The following ILDR1 variants were observed in gnomAD, a reference collection of about 807,000 sequenced individuals.
ILDR1 encodes the protein immunoglobulin like domain containing receptor 1.
Under a neutral mutation model 62.4 loss-of-function variants are expected in ILDR1, and 56 were observed. That is an observed-to-expected ratio of 0.90 (90% CI 0.72 to 1.12). The LOEUF (loss-of-function observed/expected upper bound fraction) is 1.12. Among genes scored for constraint, ILDR1 ranks in the 50% most tolerant of loss-of-function variants. ILDR1 has a pLI of 0.00. For synonymous variants in ILDR1, 284 were observed against 277.8 expected (o/e 1.02, Z -0.22); for missense variants, 736 against 710.6 (o/e 1.04, Z -0.41).
intron 1 of ILDR1, among the ~76,000 whole-genome samples, chr3:122,008,926 CTTTCTTTCTTTT>C (rs2071660595): frequency 6.6e-6 from 1 of 150,520 alleles, no homozygotes; most frequent in South Asian, 2.1e-4. Flanking sequence ...TTTTTTCTTT[CTTTCTTTCTTTT>C]TTTCTTTTTT....
chr3:121,991,016 A>G (rs995246931), intron 7 of ILDR1, among the ~76,000 whole-genome samples: 6 of 152,204 alleles, frequency 3.9e-5, no homozygotes, highest in African/African-American at 1.4e-4. Context: ...CCCGGCCAAC[A>G]TGGTGAAACC....
the ILDR1 span, among the ~76,000 whole-genome samples, chr3:122,046,684 G>C: frequency 6.8e-6 from 1 of 148,106 alleles, no homozygotes; most frequent in African/African-American, 2.5e-5. Context: ...TTCCATTGCT[G>C]ATACCCTTTC....
intron 5 of ILDR1, among the ~76,000 whole-genome samples, chr3:121,999,238 G>T (rs1040538652): frequency 6.6e-6 from 1 of 151,992 alleles, no homozygotes; most frequent in African/African-American, 2.4e-5. Context: ...AACTGATAAA[G>T]GTGGTTATCT....
chr3:122,039,743 A>AAAC, the ILDR1 span, among the ~76,000 whole-genome samples: 1 of 152,084 alleles, frequency 6.6e-6, no homozygotes, highest in Non-Finnish European at 1.5e-5. Flanking sequence ...TGAGGGTAAG[A>AAAC]TAAAATTTAT....
chr3:122,039,591 G>T, the ILDR1 span, among the ~76,000 whole-genome samples: 22 of 152,094 alleles, frequency 1.4e-4, no homozygotes, highest in African/African-American at 4.8e-4. Context: ...ACAAATACTG[G>T]TAAAATTCAT....
chr3:121,994,515 C>A (rs188307007), intron 5 of ILDR1, among the ~76,000 whole-genome samples: 216 of 152,354 alleles, frequency 1.4e-3, no homozygotes, highest in African/African-American at 5.1e-3. Flanking sequence ...ATCTTCAAGA[C>A]TGCAACTTTT....
At chr3:122,021,469 G>A (rs532998369) in intron 1 of ILDR1, among the ~76,000 whole-genome samples, 2 of 152,306 alleles carry the variant, frequency 1.3e-5, no homozygotes, top group Non-Finnish European at 2.9e-5. Flanking sequence ...GATGAGCAAG[G>A]GGTAAAGTTA....
Position 121,988,235 on chromosome 3 carries a change from T to A in ILDR1, c.*132A>T, listed in dbSNP as rs754309930. ...ACTCTTGTATTTAAAATTCTTCTAT[T>A]TGATTCTCAGAATCTAAGCCAAAAA... On this transcript the variant is annotated 3_prime_UTR_variant, in exon 8 of 8. Transcript: ENST00000344209. The A allele has an allele frequency of 9.7e-5, 75 of 771,388 alleles. No homozygotes were observed. Among genetic ancestry groups the A allele is most frequent in the Non-Finnish European group, 2.6e-5 (11 of 428,342 alleles). 47.8% of individuals were successfully genotyped at this position (771,388 alleles called of 1,614,324 possible).
upstream of ILDR1, among the ~76,000 whole-genome samples, chr3:122,023,114 A>G (rs1487398880): frequency 6.6e-5 from 10 of 150,946 alleles, no homozygotes; most frequent in Non-Finnish European, 1.3e-4. Flanking sequence ...AGGTATATTT[A>G]TTTATTTATT....
At chr3:122,008,738 C>G (rs1481841087) in intron 1 of ILDR1, among the ~76,000 whole-genome samples, 1 of 151,452 alleles carries the variant, frequency 6.6e-6, no homozygotes, top group Admixed American at 6.6e-5. Context: ...GGATCACAGG[C>G]GCCTACCATC....
chr3:122,028,676 GA>G, the ILDR1 span, among the ~76,000 whole-genome samples: 1 of 152,266 alleles, frequency 6.6e-6, no homozygotes, highest in African/African-American at 2.4e-5. Flanking sequence ...AACATTAGAA[GA>G]CACTCAACTT....
the ILDR1 span, among the ~76,000 whole-genome samples, chr3:122,031,509 C>G: frequency 6.6e-6 from 1 of 152,104 alleles, no homozygotes; most frequent in African/African-American, 2.4e-5. Flanking sequence ...TTTCTGTGCC[C>G]CCAAATTCAT....
At chr3:122,028,224 TAC>T in the ILDR1 span, among the ~76,000 whole-genome samples, 1 of 150,722 alleles carries the variant, frequency 6.6e-6, no homozygotes, top group Non-Finnish European at 1.5e-5. Context: ...TAGTCCCAGC[TAC>T]TCAGGAGGCT....
chr3:122,038,049 A>C, the ILDR1 span, among the ~76,000 whole-genome samples: 2 of 152,024 alleles, frequency 1.3e-5, no homozygotes, highest in African/African-American at 2.4e-5. Context: ...GAGGCCTGCC[A>C]GCCATGCTTT....
rs2071278919 is a variant in ILDR1 at position 121,988,125 on chromosome 3, C to T, written c.*242G>A. On this transcript the variant is annotated 3_prime_UTR_variant, in exon 8 of 8. Transcript: ENST00000344209. ...ACGGGGTCTCACTATGTTTCCCAGG[C>T]TGATCTTGAACTCCTAGTCTCAAGT... 2 of 601,136 alleles carry T rather than the reference C, an allele frequency of 3.3e-6. No individual in the cohort carries two copies. Among genetic ancestry groups the T allele is most frequent in the African/African-American group, 3.7e-5 (2 of 54,622 alleles). The allele number at this position is 601,136 out of a possible 1,614,324, so 37.2% of individuals were successfully genotyped here.
chr3:122,035,497 G>A, the ILDR1 span, among the ~76,000 whole-genome samples: 2 of 152,128 alleles, frequency 1.3e-5, no homozygotes. Context: ...CAAATCTTAT[G>A]TCAAATTGGA....
chr3:122,017,345 G>A (rs1216313324), intron 1 of ILDR1, among the ~76,000 whole-genome samples: 7 of 152,132 alleles, frequency 4.6e-5, no homozygotes, highest in East Asian at 1.9e-4. Flanking sequence ...CACCGTGCCC[G>A]GCCAGAGTCT....
the ILDR1 span, among the ~76,000 whole-genome samples, chr3:122,035,165 C>T: frequency 3.9e-5 from 6 of 152,298 alleles, no homozygotes; most frequent in East Asian, 5.8e-4. Context: ...TGGAACAGAA[C>T]GCTTACTCTG....
intron 1 of ILDR1, among the ~76,000 whole-genome samples, chr3:122,015,205 C>T (rs1327888260): frequency 6.6e-6 from 1 of 152,160 alleles, no homozygotes; most frequent in African/African-American, 2.4e-5. Context: ...CTAAAACAGA[C>T]ACATGTATCC....
Sources: allele counts gnomAD v4.1 joint callset (sites outside exome capture counted in the v4.1 genomes callset), GRCh38; gene constraint gnomAD v4.1.1; transcripts MANE v1.5; gene names NCBI Gene and HGNC (gene_info 2026-07-23, HGNC 2026-07-21).